TRAF6: variants seen among roughly 807,000 people sequenced by gnomAD.
The protein encoded by TRAF6 is TNF receptor-associated factor 6.
A neutral mutation model predicts 48.4 loss-of-function variants in TRAF6; 10 were observed. The observed-to-expected ratio is 0.21, with a 90% CI of 0.13 to 0.35. The LOEUF is 0.35. Among genes scored for constraint, TRAF6 ranks in the 10% least tolerant of loss-of-function variants. The pLI is 1.00. For synonymous variants in TRAF6, 186 were observed against 219.6 expected, an observed-to-expected ratio of 0.85 and a Z score of 1.35; for missense variants, 397 against 661.0, an observed-to-expected ratio of 0.60 and a Z score of 4.38.
chr11:36,492,513 T>A (rs749825397), intron 6 of TRAF6, 38 bp downstream of exon 6: 2 of 1,457,310 alleles, frequency 1.4e-6, no homozygotes, highest in South Asian at 1.2e-5. Context: ...TATTTTTTTT[T>A]ACTTATATTC....
intron 1 of TRAF6, among the ~76,000 whole-genome samples, chr11:36,502,057 A>AGC (rs1231853677): frequency 2.6e-5 from 4 of 152,222 alleles, no homozygotes; most frequent in Non-Finnish European, 5.9e-5. Flanking sequence ...TAGTATGGCT[A>AGC]GCAGCTCAGT....
At chr11:36,498,679 T>G (rs750288540) in intron 2 of TRAF6, 39 bp from the exon 3 acceptor site, 3 of 1,554,484 alleles carry the variant, frequency 1.9e-6, no homozygotes, top group Admixed American at 4.1e-5. Context: ...ATTTAAAGAC[T>G]CACATTAGAA....
At chr11:36,509,876 C>A (rs765024769) in intron 1 of TRAF6, among the ~76,000 whole-genome samples, 172 bp downstream of exon 1, 3 of 149,536 alleles carry the variant, frequency 2.0e-5, no homozygotes, top group African/African-American at 2.5e-5. Context: ...GGGGCGGCGT[C>A]CCTGACCTGT....
At chr11:36,502,066 G>A (rs755494037) in intron 1 of TRAF6, among the ~76,000 whole-genome samples, 1 of 152,184 alleles carries the variant, frequency 6.6e-6, no homozygotes, top group Non-Finnish European at 1.5e-5. Flanking sequence ...TAGCAGCTCA[G>A]TGCCAGGAAA....
chr11:36,492,555 T>C lies in TRAF6; in HGVS notation c.752A>G (p.Glu251Gly), dbSNP rs1859578242. Residue 251 changes from glutamate to glycine, a missense_variant, in exon 6 of 7, where the codon GAA becomes GGA. By Grantham distance (98) the Glu-to-Gly change is moderately conservative (BLOSUM62 -2). Around this residue, in one of 4 missense-constraint regions of TRAF6, gnomAD observed 245 missense variants for 349.1 expected, o/e 0.70. Coordinates refer to ENST00000526995, the MANE Select transcript of TRAF6 (RefSeq NM_004620.4). ...PCTFSTFGCHEKMQRNHLARH... is the reference protein window; with the variant it reads ...PCTFSTFGCHGKMQRNHLARH... ...TAAAAGAAAAAAAAACCTTACCTTT[T>C]CATGGCAACCAAAAGTACTGAATGT... The C allele has an allele frequency of 6.2e-7, 1 of 1,606,230 alleles. No homozygotes were observed.
At position 36,498,534 on chromosome 11, in the gene TRAF6, G is replaced by C. The variant is rs764984865; in HGVS notation, c.403C>G (p.Pro135Ala). 5 of 1,612,528 alleles carry C rather than the reference G, an allele frequency of 3.1e-6. No homozygotes were observed. The South Asian group carries it at 4.4e-5, about 14-fold the overall frequency. ...REILSLMVKCPNEGCLHKMEL... is the reference protein window; with the variant it reads ...REILSLMVKCANEGCLHKMEL... ...ATCTTGTGCAAACAACCTTCATTTG[G>C]ACATTTCACCATCAGAGAAAGAATC... The change falls in exon 3 of 7, where the codon CCA becomes GCA. Residue 135 changes from proline to alanine, a missense_variant. By Grantham distance (27) the Pro-to-Ala change is conservative. Transcript: ENST00000526995.
chr11:36,491,156 T>A (rs1353519419), intron 6 of TRAF6, among the ~76,000 whole-genome samples: 1 of 152,026 alleles, frequency 6.6e-6, no homozygotes, highest in Non-Finnish European at 1.5e-5. Context: ...AATACCATTT[T>A]TTTTAAAGTC....
At position 36,501,534 on chromosome 11, in the gene TRAF6, TG is replaced by T. The variant is rs1564968319; in HGVS notation, c.-20del. ...GACTCATAGTAACTTGATTATCACT[TG>T]CTCTGTAGAAATAGCAAGAAAAAAA... is the stretch of plus-strand genomic sequence containing the variant. On this transcript the variant is annotated splice_region_variant and 5_prime_UTR_variant, in exon 2 of 7. Coordinates refer to ENST00000526995, the MANE Select transcript of TRAF6 (RefSeq NM_004620.4). The T allele has an allele frequency of 6.4e-7, 1 of 1,571,364 alleles. No homozygotes were observed. Among genetic ancestry groups the T allele is most frequent in the East Asian group, 2.3e-5 (1 of 44,332 alleles).
Position 36,490,202 on chromosome 11 carries a change from C to T in TRAF6, c.1205G>A (p.Arg402His), listed in dbSNP as rs199830912. Residue 402 changes from arginine to histidine, a missense_variant, in exon 7 of 7, where the codon CGC (arginine) becomes CAC (histidine). Physicochemically the swap from Arg to His is conservative, Grantham distance 29. Coordinates refer to ENST00000526995, the MANE Select transcript of TRAF6 (RefSeq NM_004620.4). The surrounding 1 kb of genome is among the most constrained non-coding windows in gnomAD (Gnocchi z 6.4). Reference protein sequence around the residue: ...RLHLQLPTAQRCANYISLFVH... With the variant: ...RLHLQLPTAQHCANYISLFVH... ...AAAAAGGGATATATAGTTTGCACAG[C>T]GCTGAGCAGTCGGTAACTGAAGGTG... 30 of 1,614,148 alleles carry T rather than the reference C, an allele frequency of 1.9e-5. No individual in the cohort carries two copies. In the East Asian group the frequency reaches 4.9e-4, roughly 26 times the overall value.
rs1223046484 is a variant in TRAF6, at chr11:36,485,911, T to C, written c.*3927A>G. Among the ~76,000 whole-genome samples the C allele has an allele frequency of 1.3e-5, 2 of 152,150 alleles. No individual in the cohort carries two copies. The highest frequency in any genetic ancestry group is 1.5e-5 in the Non-Finnish European group (1 of 68,040). ...ACTAACTTACAGTCCATCATGTCAA[T>C]CTGGGAGTTTAGAAAAAGCACACTT... On this transcript the variant is annotated 3_prime_UTR_variant, in exon 7 of 7. Coordinates refer to ENST00000526995, the MANE Select transcript of TRAF6 (RefSeq NM_004620.4).
rs778559251 is a variant in TRAF6, at chr11:36,489,910, G to T, written c.1497C>A (p.Val499=). ...KDDTLLVRCE[V]STRFDMGSLR... is the part of the protein sequence containing the mutation. Reference sequence around the variant, plus strand: ...GGCTACCCATGTCAAAGCGGGTGGAGACCTCACAGCGCACTAATAATGTGT... The same window carrying T: ...GGCTACCCATGTCAAAGCGGGTGGATACCTCACAGCGCACTAATAATGTGT... The change falls in exon 7 of 7, where the codon GTC becomes GTA. Residue 499 remains valine, a synonymous_variant. Coordinates refer to ENST00000526995, the MANE Select transcript of TRAF6 (RefSeq NM_004620.4). 4.3e-6 allele frequency: 7 copies of T among 1,614,060 alleles called. No homozygotes were observed. The highest frequency in any genetic ancestry group is 1.3e-5 in the African/African-American group (1 of 74,932).
intron 2 of TRAF6, among the ~76,000 whole-genome samples, chr11:36,500,145 A>G (rs1449296717): frequency 1.3e-5 from 2 of 152,212 alleles, no homozygotes; most frequent in Non-Finnish European, 2.9e-5. Flanking sequence ...GGGGCAGACA[A>G]TAAACACATA....
chr11:36,506,391 C>T (rs1859784865), intron 1 of TRAF6, among the ~76,000 whole-genome samples: 1 of 152,070 alleles, frequency 6.6e-6, no homozygotes, highest in Non-Finnish European at 1.5e-5. Flanking sequence ...CTACGCTTGA[C>T]AACATCAGGT....
chr11:36,509,123 C>T (rs1351204609), intron 1 of TRAF6, among the ~76,000 whole-genome samples: 1 of 152,164 alleles, frequency 6.6e-6, no homozygotes, highest in African/African-American at 2.4e-5. Flanking sequence ...TGATAGCGGC[C>T]AAGTTCACAA....
In TRAF6 at chr11:36,494,218, T is replaced by A. The variant is rs369791415; in HGVS notation, c.678+758A>T. Among the ~76,000 whole-genome samples, 5 of 151,874 alleles carry A rather than the reference T, an allele frequency of 3.3e-5. No homozygotes were observed. The East Asian group carries it at 7.8e-4, about 24-fold the overall frequency. ...CGTTTCTACAAAAAATCTAAAAAAATAAAAAATTAGCCGGGCATGGTGGTG... is the reference window on the plus strand; with the variant it reads ...CGTTTCTACAAAAAATCTAAAAAAAAAAAAAATTAGCCGGGCATGGTGGTG... On this transcript the variant is annotated intron_variant, in intron 5 of 6. Transcript: ENST00000526995.
In TRAF6 at chr11:36,492,613, C is replaced by T; in HGVS notation, c.694G>A (p.Asp232Asn). Residue 232 changes from aspartate to asparagine, a missense_variant, in exon 6 of 7, where the codon GAT (aspartate) becomes AAT (asparagine). Physicochemically the swap from Asp to Asn is conservative, Grantham distance 23. Around this residue, in one of 4 missense-constraint regions of TRAF6, gnomAD observed 245 missense variants for 349.1 expected, o/e 0.70. Coordinates refer to ENST00000526995, the MANE Select transcript of TRAF6 (RefSeq NM_004620.4). Reference protein sequence around the residue: ...LIREQMPNHYDLDCPTAPIPC... With the variant: ...LIREQMPNHYNLDCPTAPIPC... The stretch of plus-strand genomic sequence containing the variant: ...ATTGGGGCTGTAGGGCAGTCTAGAT[C>T]ATAATGATTAGGCATCTGAAATCCA... The T allele has an allele frequency of 6.2e-7, 1 of 1,609,836 alleles. No individual in the cohort carries two copies. The highest frequency in any genetic ancestry group is 8.5e-7 in the Non-Finnish European group (1 of 1,178,936).
intron 3 of TRAF6, 91 bp downstream of exon 3, chr11:36,498,399 C>A: frequency 1.7e-6 from 2 of 1,150,482 alleles, no homozygotes; most frequent in East Asian, 5.1e-5. Flanking sequence ...ATGCTAGGTA[C>A]TGGCAATACA....
In TRAF6 at chr11:36,491,651, T is replaced by C. The variant is rs189427971; in HGVS notation, c.756+900A>G. On this transcript the variant is annotated intron_variant, in intron 6 of 6. Transcript: ENST00000526995. ...ATCTTGAAACTAATTTTGGAGACCA[T>C]AATACTACTTTCTCTTTGCCTGGTT... Among the ~76,000 whole-genome samples, 25 of 152,346 alleles carry C rather than the reference T, an allele frequency of 1.6e-4. No individual in the cohort carries two copies. In the East Asian group the frequency reaches 3.7e-3, roughly 22 times the overall value.
chr11:36,491,776 C>A (rs1029315880), intron 6 of TRAF6, among the ~76,000 whole-genome samples: 1 of 152,198 alleles, frequency 6.6e-6, no homozygotes, highest in African/African-American at 2.4e-5. Flanking sequence ...TCCATTATTA[C>A]CACAAATCAC....
Sources: allele counts gnomAD v4.1 joint callset (sites outside exome capture counted in the v4.1 genomes callset), GRCh38; gene constraint gnomAD v4.1.1; regional missense constraint gnomAD v4.1.1; non-coding constraint Gnocchi (gnomAD v3.1); transcripts MANE v1.5; gene names NCBI Gene and HGNC (gene_info 2026-07-23, HGNC 2026-07-21).